The following CPLX4 variants were observed in gnomAD, a reference collection of about 807,000 sequenced individuals.
The protein encoded by CPLX4 is complexin-4.
CPLX4 carries 17 observed loss-of-function variants against 16.1 expected under a neutral mutation model. The ratio of observed to expected loss-of-function variants is 1.06; its 90% confidence interval spans 0.72 to 1.59. The LOEUF is 1.59. CPLX4 is among the 40% of genes most tolerant of loss of function. The pLI is 0.00. For missense variants in CPLX4, 193 were observed against 192.9 expected (o/e 1.00, Z 0.00); for synonymous variants, 55 against 57.8 (o/e 0.95, Z 0.22).
intron 2 of CPLX4, among the ~76,000 whole-genome samples, chr18:59,307,936 AT>A (rs34676647): frequency 0.26 from 37,670 of 143,990 alleles, 5,229 homozygotes; most frequent in African/African-American, 0.39. Flanking sequence ...TGCCCGGCTA[AT>A]TTTTTTTTTT....
intron 2 of CPLX4, among the ~76,000 whole-genome samples, chr18:59,304,234 A>C (rs1269234518): frequency 6.6e-6 from 1 of 152,182 alleles, no homozygotes; most frequent in Non-Finnish European, 1.5e-5. Flanking sequence ...TTTTTCAATG[A>C]CTAACCTAGA....
intron 2 of CPLX4, among the ~76,000 whole-genome samples, chr18:59,307,930 C>T (rs1290868329): frequency 2.1e-5 from 3 of 140,496 alleles, no homozygotes; most frequent in African/African-American, 5.7e-5. Context: ...TTTTTTTGCC[C>T]GGCTAATTTT....
In CPLX4 at chr18:59,296,373, G is replaced by A; in HGVS notation, c.*325C>T. ...AACTTGGCCTCCAAGGAAGAAAGTT[G>A]GAGAGGAAATGCCCCTTGCTTTTGT... On this transcript the variant is annotated 3_prime_UTR_variant, in exon 3 of 3. Transcript: ENST00000299721. The A allele has an allele frequency of 3.1e-6, 1 of 326,726 alleles. No homozygotes were observed. The highest frequency in any genetic ancestry group is 3.2e-5 in the South Asian group (1 of 31,698). The allele number at this position is 326,726 out of a possible 1,614,324, so 20.2% of individuals were successfully genotyped here. A position where few individuals can be genotyped will look rare whatever the true frequency, so the allele number is the denominator to read the frequency against.
chr18:59,306,680 A>C (rs1052223888), intron 2 of CPLX4, among the ~76,000 whole-genome samples: 5 of 152,216 alleles, frequency 3.3e-5, no homozygotes, highest in African/African-American at 4.8e-5. Context: ...ATACAGTTCT[A>C]ATTCCAAAAT....
chr18:59,297,857 C>T (rs1206023495), intron 2 of CPLX4, among the ~76,000 whole-genome samples: 1 of 152,208 alleles, frequency 6.6e-6, no homozygotes, highest in Non-Finnish European at 1.5e-5. Flanking sequence ...GGGAGCCCGT[C>T]ATGGGCTCTT....
intron 1 of CPLX4, among the ~76,000 whole-genome samples, chr18:59,315,972 G>A (rs1019644953): frequency 3.3e-5 from 5 of 152,144 alleles, no homozygotes; most frequent in Admixed American, 1.3e-4. Context: ...CCCCCACCAA[G>A]TAAAGTGTAA....
At chr18:59,313,606 G>C (rs1435146178) in intron 1 of CPLX4, among the ~76,000 whole-genome samples, 1 of 152,170 alleles carries the variant, frequency 6.6e-6, no homozygotes, top group African/African-American at 2.4e-5. Flanking sequence ...CTGCCCTCTG[G>C]CTATATTGGG....
chr18:59,300,899 A>C (rs953386978), intron 2 of CPLX4, among the ~76,000 whole-genome samples: 2 of 152,166 alleles, frequency 1.3e-5, no homozygotes, highest in Non-Finnish European at 2.9e-5. Flanking sequence ...CCTCTTTAGC[A>C]CTAGGCTCTC....
At chr18:59,312,812 G>A in intron 1 of CPLX4, 40 bp from the exon 2 acceptor site, 2 of 913,364 alleles carry the variant, frequency 2.2e-6, no homozygotes, top group Non-Finnish European at 3.7e-6. Flanking sequence ...GATACAGAGA[G>A]CTAAGGACAT....
intron 1 of CPLX4, among the ~76,000 whole-genome samples, chr18:59,315,784 G>A (rs768439942): frequency 2.4e-4 from 37 of 152,118 alleles, no homozygotes; most frequent in Non-Finnish European, 2.9e-4. Flanking sequence ...AAGACTTTCC[G>A]TTCCTGGTCT....
At chr18:59,310,201 T>C (rs993079172) in intron 2 of CPLX4, among the ~76,000 whole-genome samples, 6 of 150,080 alleles carry the variant, frequency 4.0e-5, no homozygotes, top group African/African-American at 1.2e-4. Context: ...TCTACTGTTA[T>C]TTATCAACAT....
At chr18:59,301,861 T>C (rs779223520) in intron 2 of CPLX4, among the ~76,000 whole-genome samples, 1 of 152,240 alleles carries the variant, frequency 6.6e-6, no homozygotes, top group Non-Finnish European at 1.5e-5. Flanking sequence ...TGATGTCCAA[T>C]GGAAGGGCCA....
At chr18:59,317,468 T>C (rs2070658462) in intron 1 of CPLX4, among the ~76,000 whole-genome samples, 1 of 152,140 alleles carries the variant, frequency 6.6e-6, no homozygotes, top group African/African-American at 2.4e-5. Context: ...TCACATTCTA[T>C]AATACCCAAT....
intron 2 of CPLX4, among the ~76,000 whole-genome samples, chr18:59,304,923 CAGTGTG>C (rs1568105327): frequency 3.1e-5 from 3 of 96,252 alleles, no homozygotes; most frequent in African/African-American, 1.4e-4. Context: ...ACTCAACAAT[CAGTGTG>C]TGTGTGTGTG....
intron 2 of CPLX4, among the ~76,000 whole-genome samples, chr18:59,300,326 C>G (rs1355379412): frequency 6.6e-6 from 1 of 152,156 alleles, no homozygotes; most frequent in Non-Finnish European, 1.5e-5. Flanking sequence ...GAGAGAGACT[C>G]TGTCTTAACA....
chr18:59,317,262 CAA>C (rs2070657259), intron 1 of CPLX4, among the ~76,000 whole-genome samples: 1 of 151,988 alleles, frequency 6.6e-6, no homozygotes, highest in African/African-American at 2.4e-5. Context: ...TGATCATTAG[CAA>C]AAGAGTCCTG....
At position 59,296,681 on chromosome 18, in the gene CPLX4, TCCACCCCTC is replaced by T; in HGVS notation, c.*8_*16del. The T allele has an allele frequency of 1.5e-6, 2 of 1,327,120 alleles. No homozygotes were observed. The highest frequency in any genetic ancestry group is 2.1e-6 in the Non-Finnish European group (2 of 938,522). 82.2% of individuals were successfully genotyped at this position (1,327,120 alleles called of 1,614,324 possible). A position where few individuals can be genotyped will look rare whatever the true frequency, so the allele number is the denominator to read the frequency against. On this transcript the variant is annotated 3_prime_UTR_variant, in exon 3 of 3. Coordinates refer to ENST00000299721, the MANE Select transcript of CPLX4 (RefSeq NM_181654.4). ...TTCCAAGGATGGCTGGTTCCCTCCC[TCCACCCCTC>T]CCACCCCTCACATCACGGAACACTT...
chr18:59,308,812 C>A (rs1195468127), intron 2 of CPLX4, among the ~76,000 whole-genome samples: 1 of 152,226 alleles, frequency 6.6e-6, no homozygotes, highest in Non-Finnish European at 1.5e-5. Flanking sequence ...TCCCCCGCAG[C>A]CTCTTTTTCG....
chr18:59,296,941 A>G lies in CPLX4; in HGVS notation c.256-16T>C, dbSNP rs774704082. ...CCATTTCACTCTATGTGAAAAATAA[A>G]TAGAGATAGATAAATAACTCTAAAC... On this transcript the variant is annotated splice_polypyrimidine_tract_variant and intron_variant, in intron 2 of 2. Transcript: ENST00000299721. The G allele has an allele frequency of 1.9e-6, 3 of 1,593,546 alleles. No homozygotes were observed. Among genetic ancestry groups the G allele is most frequent in the Non-Finnish European group, 2.6e-6 (3 of 1,175,590 alleles).
Sources: gnomAD v4.1 joint callset for allele counts (sites outside exome capture counted in the v4.1 genomes callset) on GRCh38, gnomAD v4.1.1 for gene constraint, MANE v1.5 for transcripts, NCBI Gene and HGNC (gene_info 2026-07-23, HGNC 2026-07-21) for gene names.